Variants in RASGRF2 observed in about 807,000 individuals in gnomAD.
RASGRF2 encodes Ras protein specific guanine nucleotide releasing factor 2, also known as ras-specific guanine nucleotide-releasing factor 2.
A neutral mutation model predicts 151.0 loss-of-function variants in RASGRF2; 76 were observed. The ratio of observed to expected loss-of-function variants is 0.50; its 90% confidence interval spans 0.42 to 0.61. The LOEUF is 0.61. Ranked by LOEUF, RASGRF2 falls within the 20% of genes least tolerant of loss-of-function variation. The pLI is 0.00. For synonymous variants in RASGRF2, 504 were observed against 566.5 expected (o/e 0.89, Z 1.57); for missense variants, 1,148 against 1,564.6 (o/e 0.73, Z 4.49).
intron 17 of RASGRF2, among the ~76,000 whole-genome samples, chr5:81,156,605 T>G (rs1754265282): frequency 6.6e-6 from 1 of 152,194 alleles, no homozygotes; most frequent in East Asian, 1.9e-4. Flanking sequence ...TATGATTATC[T>G]TAAAATAGAT....
In RASGRF2 at chr5:80,960,781, C is replaced by T; in HGVS notation, c.43C>T (p.Leu15=). 1.9e-6 allele frequency: 3 copies of T among 1,612,442 alleles called. No individual in the cohort carries two copies. The highest frequency in any genetic ancestry group is 2.2e-5 in the South Asian group (2 of 90,872). The change falls in exon 1 of 27, where the codon CTG becomes TTG. Residue 15 remains leucine, a synonymous_variant. Coordinates refer to ENST00000265080, the MANE Select transcript of RASGRF2 (RefSeq NM_006909.3). The surrounding 1 kb of genome is among the most constrained non-coding windows in gnomAD (Gnocchi z 5.5). ...CTACAACGAGGGGCACGCCCTGTAC[C>T]TGGCCTTTCTGGCGCGCAAGGAGGG... ...VRYNEGHALY[L]AFLARKEGTK... is the part of the protein sequence containing the mutation.
chr5:81,012,083 A>G (rs752353667), intron 1 of RASGRF2, among the ~76,000 whole-genome samples: 1 of 152,158 alleles, frequency 6.6e-6, no homozygotes, highest in East Asian at 1.9e-4. Flanking sequence ...AAAGCTTTAC[A>G]TTTTGTTATT....
At chr5:81,036,347 A>G (rs563830461) in intron 1 of RASGRF2, among the ~76,000 whole-genome samples, 18 of 152,222 alleles carry the variant, frequency 1.2e-4, no homozygotes, top group African/African-American at 4.3e-4. Flanking sequence ...ATATAATTAT[A>G]TCAATAATTT....
chr5:81,175,946 C>T (rs552782458), intron 17 of RASGRF2, among the ~76,000 whole-genome samples: 2 of 152,174 alleles, frequency 1.3e-5, no homozygotes, highest in African/African-American at 4.8e-5. Context: ...TGCCCCAAAC[C>T]AGATGTCATC....
chr5:81,113,485 G>T, intron 14 of RASGRF2, 53 bp from the exon 15 acceptor site: 2 of 1,497,230 alleles, frequency 1.3e-6, no homozygotes. Flanking sequence ...TGACATCTGG[G>T]AATTCATTTC....
At chr5:81,049,352 A>G (rs1750936692) in intron 2 of RASGRF2, among the ~76,000 whole-genome samples, 1 of 152,030 alleles carries the variant, frequency 6.6e-6, no homozygotes, top group Non-Finnish European at 1.5e-5. Flanking sequence ...ATAATTACAG[A>G]CTTTTTATTT....
chr5:81,112,302 T>C (rs1329281692), intron 13 of RASGRF2, among the ~76,000 whole-genome samples: 5 of 152,204 alleles, frequency 3.3e-5, no homozygotes, highest in African/African-American at 9.7e-5. Context: ...TTACGTAATA[T>C]TCACATTGTT....
chr5:81,016,091 C>T (rs990013192), intron 1 of RASGRF2, among the ~76,000 whole-genome samples: 2 of 152,128 alleles, frequency 1.3e-5, no homozygotes, highest in Non-Finnish European at 2.9e-5. Context: ...TTGGCTATCT[C>T]TCTGTAAACA....
At chr5:80,996,520 C>CTT (rs1561544845) in intron 1 of RASGRF2, among the ~76,000 whole-genome samples, 917 of 27,496 alleles carry the variant, frequency 0.033, 101 homozygotes, top group African/African-American at 0.038. Flanking sequence ...CCTCCTCCTC[C>CTT]CCCTCCTCCT....
chr5:81,188,726 C>T (rs893040744), intron 18 of RASGRF2, among the ~76,000 whole-genome samples: 1 of 152,208 alleles, frequency 6.6e-6, no homozygotes, highest in Non-Finnish European at 1.5e-5. Context: ...GTTGTTATTA[C>T]CACTGCTTTA....
intron 17 of RASGRF2, among the ~76,000 whole-genome samples, chr5:81,178,329 G>A (rs1168096721): frequency 6.6e-6 from 1 of 152,198 alleles, no homozygotes; most frequent in South Asian, 2.1e-4. Context: ...TGGAGGGAGG[G>A]TGGTATTTCT....
At chr5:81,175,274 G>C (rs1005987932) in intron 17 of RASGRF2, among the ~76,000 whole-genome samples, 1 of 152,184 alleles carries the variant, frequency 6.6e-6, no homozygotes, top group Non-Finnish European at 1.5e-5. Context: ...TTATTGCCTT[G>C]GTTGTGAGGG....
At chr5:81,001,525 G>A (rs1749080864) in intron 1 of RASGRF2, among the ~76,000 whole-genome samples, 1 of 152,060 alleles carries the variant, frequency 6.6e-6, no homozygotes, top group Non-Finnish European at 1.5e-5. Context: ...TTTCCCTTGG[G>A]AACATGAAGA....
intron 1 of RASGRF2, among the ~76,000 whole-genome samples, chr5:80,967,704 T>C (rs1222426836): frequency 6.6e-6 from 1 of 152,154 alleles, no homozygotes; most frequent in African/African-American, 2.4e-5. Context: ...TTCTTTCAAA[T>C]AGAGGGACTG....
chr5:81,039,621 A>G (rs1479293254), intron 1 of RASGRF2, among the ~76,000 whole-genome samples: 1 of 152,210 alleles, frequency 6.6e-6, no homozygotes, highest in Non-Finnish European at 1.5e-5. Flanking sequence ...AATATAGAGC[A>G]TATACATCTT....
At chr5:81,080,862 G>A (rs756609979) in intron 7 of RASGRF2, 73 bp downstream of exon 7, 210 of 1,371,354 alleles carry the variant, frequency 1.5e-4, no homozygotes, top group Non-Finnish European at 2.0e-4. Context: ...CGTGACCAGC[G>A]TGAGATGCTT....
chr5:81,058,029 A>G (rs1313301309), intron 2 of RASGRF2, among the ~76,000 whole-genome samples: 1 of 151,970 alleles, frequency 6.6e-6, no homozygotes, highest in East Asian at 1.9e-4. Flanking sequence ...ATTAATTAAT[A>G]ACCCTGTTTT....
At chr5:81,149,951 C>T (rs1043838365) in intron 17 of RASGRF2, among the ~76,000 whole-genome samples, 7 of 152,090 alleles carry the variant, frequency 4.6e-5, no homozygotes, top group Non-Finnish European at 1.0e-4. Flanking sequence ...GCGGAGGATA[C>T]AGTTAGGAAG....
intron 18 of RASGRF2, among the ~76,000 whole-genome samples, chr5:81,191,739 G>A (rs1385199538): frequency 1.4e-5 from 2 of 146,882 alleles, no homozygotes; most frequent in Non-Finnish European, 2.9e-5. Flanking sequence ...GGGGCGTAAA[G>A]ATGTAAGCTT....
Sources: allele counts gnomAD v4.1 joint callset (sites outside exome capture counted in the v4.1 genomes callset), GRCh38; gene constraint gnomAD v4.1.1; non-coding constraint Gnocchi (gnomAD v3.1); transcripts MANE v1.5; gene names NCBI Gene and HGNC (gene_info 2026-07-23, HGNC 2026-07-21).